Variants in RYR3 observed in about 807,000 individuals in gnomAD.
The protein encoded by RYR3 is ryanodine receptor 3.
A neutral mutation model predicts 584.3 loss-of-function variants in RYR3; 207 were observed. That is an observed-to-expected ratio of 0.35 (90% CI 0.32 to 0.40). The LOEUF is 0.40. Ranked by LOEUF, RYR3 falls within the 10% of genes least tolerant of loss-of-function variation. The pLI, the probability that RYR3 is intolerant of heterozygous loss-of-function variation, is 1.00. For synonymous variants in RYR3, 2,416 were observed against 2,248.5 expected (o/e 1.07, Z -2.11); for missense variants, 5,616 against 6,089.2 (o/e 0.92, Z 2.59).
chr15:33,853,124 C>G (rs368414009), intron 95 of RYR3, 37 bp downstream of exon 95: 4 of 1,520,470 alleles, frequency 2.6e-6, no homozygotes, highest in Non-Finnish European at 3.5e-6. Context: ...CCGTGATCAC[C>G]AAAAAATGTG....
intron 93 of RYR3, among the ~76,000 whole-genome samples, chr15:33,845,857 C>T (rs1260934784): frequency 1.3e-5 from 2 of 152,194 alleles, no homozygotes; most frequent in African/African-American, 2.4e-5. Context: ...CATAACAAAC[C>T]ACTCTAAAAC....
chr15:33,496,079 G>A (rs1396239112), intron 2 of RYR3, among the ~76,000 whole-genome samples: 1 of 152,206 alleles, frequency 6.6e-6, no homozygotes, highest in Non-Finnish European at 1.5e-5. Flanking sequence ...ATGAGGCCTG[G>A]TTGACCTGGG....
In RYR3 at chr15:33,853,186, C is replaced by T. The variant is rs1321030717; in HGVS notation, c.13671+99C>T. On this transcript the variant is annotated intron_variant, in intron 95 of 103. Transcript: ENST00000634891. ...ACAAACATGAGTAAATGTGATGCTACTTTTATGATAATATCTCAAGAAGAG... is the reference window on the plus strand; with the variant it reads ...ACAAACATGAGTAAATGTGATGCTATTTTTATGATAATATCTCAAGAAGAG... 3 of 1,069,470 alleles carry T rather than the reference C, an allele frequency of 2.8e-6. No individual in the cohort carries two copies. The African/African-American group carries it at 4.8e-5, about 17-fold the overall frequency. 66.2% of individuals were successfully genotyped at this position (1,069,470 alleles called of 1,614,324 possible).
rs74008308 is a variant in RYR3 at position 33,788,603 on chromosome 15, A to G, written c.9830+145A>G. Reference sequence around the variant, plus strand: ...CCCACCATTCTCCTTCCCAACACCAATGGTTCCTGCTGTAGGAGCTCTGGG... The same window carrying G: ...CCCACCATTCTCCTTCCCAACACCAGTGGTTCCTGCTGTAGGAGCTCTGGG... On this transcript the variant is annotated intron_variant, in intron 67 of 103. Coordinates refer to ENST00000634891, the MANE Select transcript of RYR3 (RefSeq NM_001036.6). 2,368 of 885,054 alleles carry G rather than the reference A, an allele frequency of 2.7e-3. 34 individuals are homozygous for G. The African/African-American group carries it at 0.032, about 12-fold the overall frequency. The allele number at this position is 885,054 out of a possible 1,614,324, so 54.8% of individuals were successfully genotyped here.
intron 1 of RYR3, among the ~76,000 whole-genome samples, chr15:33,373,467 C>CA (rs2040491539): frequency 6.6e-6 from 1 of 152,128 alleles, no homozygotes; most frequent in Non-Finnish European, 1.5e-5. Flanking sequence ...ATTATGTATG[C>CA]AAAGGGTCTG....
chr15:33,618,267 A>T (rs16973326), intron 19 of RYR3, among the ~76,000 whole-genome samples: 1 of 152,114 alleles, frequency 6.6e-6, no homozygotes, highest in African/African-American at 2.4e-5. Flanking sequence ...CTCTTTTGCC[A>T]GCTCTAATTT....
chr15:33,555,329 C>T (rs2056996977), intron 10 of RYR3, among the ~76,000 whole-genome samples: 1 of 152,144 alleles, frequency 6.6e-6, no homozygotes, highest in Admixed American at 6.5e-5. Flanking sequence ...CCAAGTTATC[C>T]ACTGGGGAAA....
chr15:33,530,249 C>G (rs2054752215), intron 3 of RYR3, among the ~76,000 whole-genome samples: 1 of 152,208 alleles, frequency 6.6e-6, no homozygotes, highest in Non-Finnish European at 1.5e-5. Flanking sequence ...GTTTCTCTCT[C>G]TCACTCTGAA....
intron 1 of RYR3, among the ~76,000 whole-genome samples, chr15:33,459,642 G>A (rs1218081595): frequency 6.6e-6 from 1 of 152,128 alleles, no homozygotes; most frequent in Non-Finnish European, 1.5e-5. Context: ...CAAGACTTTG[G>A]GTATCACAGT....
chr15:33,655,754 C>T (rs1474014720), intron 32 of RYR3, among the ~76,000 whole-genome samples: 1 of 152,234 alleles, frequency 6.6e-6, no homozygotes, highest in Non-Finnish European at 1.5e-5. Context: ...CAGCCAGCCC[C>T]CTTCTCATTC....
intron 17 of RYR3, among the ~76,000 whole-genome samples, chr15:33,602,775 T>A (rs2059734366): frequency 8.0e-6 from 1 of 124,650 alleles, no homozygotes; most frequent in Non-Finnish European, 1.6e-5. Context: ...AGACAAGGTC[T>A]CACTCTGCTG....
At chr15:33,848,824 C>T (rs968568295) in intron 94 of RYR3, among the ~76,000 whole-genome samples, 6 of 111,226 alleles carry the variant, frequency 5.4e-5, no homozygotes, top group Admixed American at 1.7e-4. Context: ...CTCTGAAGTC[C>T]TCTTTTTTTT....
At chr15:33,504,080 T>G (rs1415696042) in intron 3 of RYR3, among the ~76,000 whole-genome samples, 1 of 152,234 alleles carries the variant, frequency 6.6e-6, no homozygotes, top group Non-Finnish European at 1.5e-5. Context: ...TGAGGCAGTT[T>G]CTTTTTCCTT....
At chr15:33,558,268 C>T (rs2057203648) in intron 10 of RYR3, among the ~76,000 whole-genome samples, 1 of 151,318 alleles carries the variant, frequency 6.6e-6, no homozygotes, top group Admixed American at 6.6e-5. Context: ...CACAACAGGC[C>T]CCGGTGTGTG....
rs1490201820 is a variant in RYR3, at chr15:33,484,967, T to C, written c.171+11429T>C. Among the ~76,000 whole-genome samples the C allele has an allele frequency of 2.0e-5, 3 of 152,102 alleles. No individual in the cohort carries two copies. In the East Asian group the frequency reaches 5.8e-4, roughly 29 times the overall value. On this transcript the variant is annotated intron_variant, in intron 2 of 103. Coordinates refer to ENST00000634891, the MANE Select transcript of RYR3 (RefSeq NM_001036.6). The stretch of plus-strand genomic sequence containing the variant: ...TAGTAAAGGAATTGGTAAATCACAC[T>C]ATGAGAGTGAATACAGAAAATGTTT...
At chr15:33,810,124 G>C (rs184358481) in intron 70 of RYR3, among the ~76,000 whole-genome samples, 40 of 152,296 alleles carry the variant, frequency 2.6e-4, no homozygotes, top group African/African-American at 9.4e-4. Flanking sequence ...CCCAGCATCA[G>C]AATTCTCAGA....
chr15:33,860,930 ATGTATGGC>A, intron 101 of RYR3, 140 bp from the exon 102 acceptor site: 3 of 563,914 alleles, frequency 5.3e-6, no homozygotes, highest in East Asian at 1.1e-4. Context: ...CTAATAGCCA[ATGTATGGC>A]ACTACTGAGT....
intron 58 of RYR3, 49 bp from the exon 59 acceptor site, chr15:33,756,257 T>C (rs771751811): frequency 1.5e-6 from 2 of 1,320,914 alleles, no homozygotes; most frequent in Admixed American, 2.0e-5. Context: ...TTGTGACTGA[T>C]TTTTACTTCG....
At chr15:33,802,067 C>G in intron 69 of RYR3, 106 bp downstream of exon 69, 1 of 801,498 alleles carries the variant, frequency 1.2e-6, no homozygotes, top group South Asian at 1.3e-5. Flanking sequence ...GCATTTAGGT[C>G]AAACTACATG....
Sources: allele counts gnomAD v4.1 joint callset (sites outside exome capture counted in the v4.1 genomes callset), GRCh38; gene constraint gnomAD v4.1.1; transcripts MANE v1.5; gene names NCBI Gene and HGNC (gene_info 2026-07-23, HGNC 2026-07-21).